The following TRAPPC8 variants were observed in gnomAD, a reference collection of about 807,000 sequenced individuals.
TRAPPC8 encodes the protein general sporulation gene 1 homolog.
TRAPPC8 carries 54 observed loss-of-function variants against 174.3 expected under a neutral mutation model. The ratio of observed to expected loss-of-function variants is 0.31; its 90% CI spans 0.25 to 0.39. TRAPPC8 has a LOEUF of 0.39. Ranked by LOEUF, TRAPPC8 falls within the 10% of genes least tolerant of loss-of-function variation. TRAPPC8 has a pLI of 1.00. For missense variants in TRAPPC8, 1,531 were observed against 1,699.1 expected (o/e 0.90, Z 1.74); for synonymous variants, 630 against 579.9 (o/e 1.09, Z -1.24).
At position 31,909,754 on chromosome 18, in the gene TRAPPC8, A is replaced by G; in HGVS notation, c.778T>C (p.Tyr260His). 2 of 1,567,342 alleles carry G rather than the reference A, an allele frequency of 1.3e-6. No homozygotes were observed. The highest frequency in any genetic ancestry group is 2.0e-5 in the Admixed American group (1 of 49,684). Residue 260 changes from tyrosine (Y) to histidine (H), a missense_variant, in exon 6 of 29, where the codon TAT (tyrosine) becomes CAT (histidine). Physicochemically the swap from Tyr to His is moderately conservative, Grantham distance 83. Coordinates refer to ENST00000283351, the MANE Select transcript of TRAPPC8 (RefSeq NM_014939.5). ...QKNSIQNQES[Y>H]EDGPCTITSN... Reference sequence around the variant, plus strand: ...GTTATAGTACAAGGGCCATCTTCATATGATTCCTATCAAAATAAAATTTAA... The same window carrying G: ...GTTATAGTACAAGGGCCATCTTCATGTGATTCCTATCAAAATAAAATTTAA...
rs529505659 is a variant in TRAPPC8 at position 31,872,828 on chromosome 18, C to T, written c.2062+602G>A. 5.3e-5 allele frequency among the ~76,000 whole-genome samples: 8 copies of T among 152,022 alleles called. No individual in the cohort carries two copies. The South Asian group carries it at 1.7e-3, about 32-fold the overall frequency. ...AATAGAATATTTTACTAACATTAAACGTTTATGAAGATTATATAATAACAA... is the reference window on the plus strand; with the variant it reads ...AATAGAATATTTTACTAACATTAAATGTTTATGAAGATTATATAATAACAA... On this transcript the variant is annotated intron_variant, in intron 14 of 28. Transcript: ENST00000283351.
At chr18:31,924,738 CAAA>C (rs398032376) in intron 2 of TRAPPC8, among the ~76,000 whole-genome samples, 3 of 91,890 alleles carry the variant, frequency 3.3e-5, no homozygotes, top group African/African-American at 1.3e-4. Flanking sequence ...AACTCCGTCT[CAAA>C]AAAAAAAAAA....
At chr18:31,903,736 C>T (rs939855420) in intron 9 of TRAPPC8, among the ~76,000 whole-genome samples, 2 of 151,986 alleles carry the variant, frequency 1.3e-5, no homozygotes, top group African/African-American at 2.4e-5. Flanking sequence ...ATTTTAAAAC[C>T]TCATTCTGGA....
At chr18:31,938,012 T>A (rs1013905700) in intron 1 of TRAPPC8, among the ~76,000 whole-genome samples, 3 of 152,160 alleles carry the variant, frequency 2.0e-5, no homozygotes, top group Admixed American at 2.0e-4. Context: ...TACTTTTTAA[T>A]CCCTTTAGTA....
chr18:31,832,113 G>T lies in TRAPPC8; in HGVS notation c.4044C>A (p.Val1348=). 3 of 1,558,758 alleles carry T rather than the reference G, an allele frequency of 1.9e-6. No homozygotes were observed. Among genetic ancestry groups the T allele is most frequent in the Non-Finnish European group, 2.6e-6 (3 of 1,160,612 alleles). Residue 1348 remains valine (V), a synonymous_variant, in exon 28 of 29, where the codon GTC becomes GTA. Transcript: ENST00000283351. ...TTGTTTTATGCCGAAGATCAACTAT[G>T]ACATCTACATCAGCCTTAGAACAAT... ...LSNCSKADVD[V]IVDLRHKTTS... is the part of the protein sequence containing the mutation.
At chr18:31,868,356 A>C (rs1289943827) in intron 16 of TRAPPC8, among the ~76,000 whole-genome samples, 1 of 152,230 alleles carries the variant, frequency 6.6e-6, no homozygotes, top group Non-Finnish European at 1.5e-5. Context: ...CAGAGTTTGC[A>C]ATTTATAGAA....
chr18:31,913,057 G>A (rs574212110), intron 5 of TRAPPC8, among the ~76,000 whole-genome samples: 116 of 152,026 alleles, frequency 7.6e-4, no homozygotes, highest in Middle Eastern at 3.4e-3. Flanking sequence ...AAACCTGAGA[G>A]GCGGAGGTTG....
chr18:31,925,545 G>C (rs973600768), intron 2 of TRAPPC8, among the ~76,000 whole-genome samples: 3 of 152,132 alleles, frequency 2.0e-5, no homozygotes, highest in African/African-American at 7.2e-5. Flanking sequence ...CCAACTAACA[G>C]TAGTTTCAGA....
At chr18:31,870,870 C>G in intron 15 of TRAPPC8, 56 bp downstream of exon 15, 1 of 1,368,060 alleles carries the variant, frequency 7.3e-7, no homozygotes, top group Non-Finnish European at 9.7e-7. Context: ...AAATTATCTT[C>G]ATCATGCTGT....
chr18:31,860,000 A>G (rs2034242085), intron 19 of TRAPPC8, among the ~76,000 whole-genome samples: 1 of 148,922 alleles, frequency 6.7e-6, no homozygotes, highest in Non-Finnish European at 1.5e-5. Flanking sequence ...TGGGTGACAG[A>G]GCAAGACTCC....
In TRAPPC8 at chr18:31,857,872, A is replaced by G; in HGVS notation, c.2856T>C (p.Ser952=). The part of the protein sequence containing the change: ...KCPLTGLKVV[S]KRPEFFTFGG... ...CGAAAGTAAAGAACTCTGGACGTTT[A>G]GAAACAACCTTCAATCCAGTAAGTG... Residue 952 remains serine, a synonymous_variant, in exon 20 of 29, where the codon TCT becomes TCC. Coordinates refer to ENST00000283351, the MANE Select transcript of TRAPPC8 (RefSeq NM_014939.5). 1.2e-6 allele frequency: 2 copies of G among 1,614,250 alleles called. No individual in the cohort carries two copies. The highest frequency in any genetic ancestry group is 1.7e-6 in the Non-Finnish European group (2 of 1,180,032).
intron 12 of TRAPPC8, among the ~76,000 whole-genome samples, chr18:31,876,498 A>AAAAAAAAAAAAAAAAAAAAC (rs2035157810): frequency 6.7e-6 from 1 of 149,136 alleles, no homozygotes. Flanking sequence ...TCAAAAAAAA[A>AAAAAAAAAAAAAAAAAAAAC]AAAAAAAAAA....
intron 26 of TRAPPC8, among the ~76,000 whole-genome samples, chr18:31,840,856 T>TTAACACC (rs1393774760): frequency 6.6e-6 from 1 of 151,654 alleles, no homozygotes; most frequent in Admixed American, 6.6e-5. Flanking sequence ...ATTCATCCCA[T>TTAACACC]TAACAACTAA....
chr18:31,831,967 CA>C lies in TRAPPC8; in HGVS notation c.4073+116del, dbSNP rs1274184367. On this transcript the variant is annotated intron_variant, in intron 28 of 28. Coordinates refer to ENST00000283351, the MANE Select transcript of TRAPPC8 (RefSeq NM_014939.5). ...TCTGTAAGCCTTCTATATTACCAAA[CA>C]AAAAACCAGGACAAGCTTGAGTAAC... 21 of 650,300 alleles carry C rather than the reference CA, an allele frequency of 3.2e-5. No individual in the cohort carries two copies. The South Asian group carries it at 4.7e-4, about 14-fold the overall frequency. The allele number at this position is 650,300 out of a possible 1,614,324, so 40.3% of individuals were successfully genotyped here. A position where few individuals can be genotyped will look rare whatever the true frequency, so the allele number is the denominator to read the frequency against.
intron 2 of TRAPPC8, among the ~76,000 whole-genome samples, chr18:31,921,985 TAAGAC>T (rs1243496815): frequency 1.3e-5 from 2 of 152,218 alleles, no homozygotes; most frequent in Non-Finnish European, 2.9e-5. Flanking sequence ...TCTGCCTCTT[TAAGAC>T]AAAAGAAGAA....
chr18:31,914,569 T>C (rs971318258), intron 4 of TRAPPC8, among the ~76,000 whole-genome samples: 2 of 152,204 alleles, frequency 1.3e-5, no homozygotes, highest in Non-Finnish European at 2.9e-5. Context: ...CATTTCAAAA[T>C]ATCCTAAAGA....
chr18:31,883,756 A>G (rs1052401216), intron 12 of TRAPPC8: 1 of 152,246 alleles, frequency 6.6e-6, no homozygotes, highest in African/African-American at 2.4e-5. Context: ...AAGAAACCCA[A>G]AAGTGGTAAC....
chr18:31,861,171 T>A (rs1261147608), intron 19 of TRAPPC8, among the ~76,000 whole-genome samples: 1 of 152,164 alleles, frequency 6.6e-6, no homozygotes, highest in African/African-American at 2.4e-5. Flanking sequence ...ATGTTTTAAA[T>A]TAAGGTAAAA....
At chr18:31,891,007 G>T in intron 11 of TRAPPC8, 141 bp from the exon 12 acceptor site, 1 of 620,078 alleles carries the variant, frequency 1.6e-6, no homozygotes, top group Non-Finnish European at 2.3e-6. Context: ...AAGATCAAGG[G>T]GAAAACCAAT....
Sources: gnomAD v4.1 joint callset for allele counts (sites outside exome capture counted in the v4.1 genomes callset) on GRCh38, gnomAD v4.1.1 for gene constraint, MANE v1.5 for transcripts, NCBI Gene and HGNC (gene_info 2026-07-23, HGNC 2026-07-21) for gene names.